INSL6: variants seen among roughly 807,000 people sequenced by gnomAD.
INSL6 encodes insulin-like peptide INSL6.
INSL6 carries 16 observed loss-of-function variants against 9.4 expected under a neutral mutation model. The ratio of observed to expected loss-of-function variants is 1.70; its 90% confidence interval spans 1.15 to 2.59. The LOEUF (loss-of-function observed/expected upper bound fraction) is 2.59. INSL6 is among the 30% of genes most tolerant of loss of function. The probability of loss-of-function intolerance (pLI) is 0.00; values close to 1 mark genes in which losing one functional copy is unlikely to be tolerated. For missense variants in INSL6, 391 were observed against 257.3 expected (o/e 1.52, Z -3.56); for synonymous variants, 154 against 96.9 (o/e 1.59, Z -3.46).
At chr9:5,034,100 G>C in the INSL6 span, among the ~76,000 whole-genome samples, 1 of 152,138 alleles carries the variant, frequency 6.6e-6, no homozygotes, top group African/African-American at 2.4e-5. Context: ...CCTAGTCTCG[G>C]ATAAAACAGA....
the INSL6 span, chr9:5,111,641 TGCCCCTCGTCCCTCCCGCCCAGCAGCG>T: frequency 2.6e-6 from 1 of 380,020 alleles, no homozygotes; most frequent in Non-Finnish European, 5.1e-6. Context: ...CGGGGGCTCA[TGCCCCTCGTCCCTCCCGCCCAGCAGCG>T]GCCCTGTGGG....
chr9:5,140,731 A>G (rs1263654839), intron 2 of INSL6, among the ~76,000 whole-genome samples: 3 of 151,674 alleles, frequency 2.0e-5, no homozygotes, highest in African/African-American at 7.3e-5. Context: ...TTTTCCCCTT[A>G]ATTTTAAGTT....
the INSL6 span, chr9:5,114,236 G>A: frequency 1.9e-6 from 1 of 527,920 alleles, no homozygotes; most frequent in Admixed American, 2.2e-5. Context: ...TCATCCGCAA[G>A]TTGCCCACAA....
chr9:5,005,477 T>G, the INSL6 span, among the ~76,000 whole-genome samples: 2 of 152,172 alleles, frequency 1.3e-5, no homozygotes, highest in African/African-American at 4.8e-5. Flanking sequence ...TAATGATTGA[T>G]TTCTAAATGT....
At chr9:5,070,063 A>G in the INSL6 span, 1 of 1,586,108 alleles carries the variant, frequency 6.3e-7, no homozygotes, top group Non-Finnish European at 8.6e-7. Flanking sequence ...GTAAGTCATT[A>G]GATACTCATT....
chr9:5,031,273 T>C, the INSL6 span, among the ~76,000 whole-genome samples: 1 of 152,186 alleles, frequency 6.6e-6, no homozygotes, highest in East Asian at 1.9e-4. Flanking sequence ...ACCTGGCAAT[T>C]GTAAAATATT....
At chr9:5,126,116 G>C (rs922662147) in intron 3 of INSL6, 13 of 414,182 alleles carry the variant, frequency 3.1e-5, no homozygotes, top group Non-Finnish European at 5.1e-5. Flanking sequence ...CAGGGGATTT[G>C]TGTTGAGTTT....
the INSL6 span, chr9:5,041,125 GCT>G: frequency 1.1e-6 from 1 of 902,298 alleles, no homozygotes; most frequent in African/African-American, 1.6e-5. Context: ...CCAAGACGGT[GCT>G]CCTGATCGCC....
At chr9:5,141,185 T>C (rs202019882) in intron 2 of INSL6, among the ~76,000 whole-genome samples, 1 of 152,202 alleles carries the variant, frequency 6.6e-6, no homozygotes, top group East Asian at 1.9e-4. Context: ...TGCGTCTTTA[T>C]AATAGAATGA....
intron 1 of INSL6, among the ~76,000 whole-genome samples, chr9:5,179,402 T>C (rs752264921): frequency 2.8e-4 from 42 of 152,196 alleles, no homozygotes; most frequent in Non-Finnish European, 3.5e-4. Context: ...TTTTACACTG[T>C]TGGTAGGGTT....
chr9:5,014,588 C>G, the INSL6 span, among the ~76,000 whole-genome samples: 3 of 152,212 alleles, frequency 2.0e-5, no homozygotes, highest in African/African-American at 7.2e-5. Context: ...GGAGAAGGAG[C>G]ATGGAAGAAC....
At chr9:5,008,945 C>G in the INSL6 span, among the ~76,000 whole-genome samples, 9 of 152,092 alleles carry the variant, frequency 5.9e-5, no homozygotes, top group Admixed American at 2.6e-4. Flanking sequence ...GAGTCTAGGA[C>G]CTGGGAGTTT....
At chr9:5,179,647 T>C (rs1825400080) in intron 1 of INSL6, among the ~76,000 whole-genome samples, 1 of 152,206 alleles carries the variant, frequency 6.6e-6, no homozygotes, top group South Asian at 2.1e-4. Context: ...ACATACACCA[T>C]GGAATACTAT....
At chr9:5,044,671 T>C in the INSL6 span, 8 of 517,570 alleles carry the variant, frequency 1.5e-5, no homozygotes, top group South Asian at 2.0e-4. Context: ...TTGAGTCTTT[T>C]AGCACTAGTT....
the INSL6 span, among the ~76,000 whole-genome samples, chr9:5,075,099 G>C: frequency 2.0e-5 from 3 of 152,002 alleles, no homozygotes; most frequent in African/African-American, 7.3e-5. Context: ...ATTCTATGAA[G>C]GCTGAGAGAG....
At chr9:5,047,274 T>C in the INSL6 span, among the ~76,000 whole-genome samples, 1 of 152,202 alleles carries the variant, frequency 6.6e-6, no homozygotes, top group Non-Finnish European at 1.5e-5. Context: ...TATCTTGACA[T>C]CTTTAAATAA....
the INSL6 span, among the ~76,000 whole-genome samples, chr9:5,063,206 T>G: frequency 6.6e-5 from 10 of 152,350 alleles, no homozygotes; most frequent in East Asian, 1.9e-3. Context: ...TTCGTTCTTA[T>G]ATAACTTTTT....
rs140016597 is a variant in INSL6 at position 5,178,482 on chromosome 9, G to A, written c.289+6832C>T. 2.2e-3 allele frequency among the ~76,000 whole-genome samples: 338 copies of A among 152,292 alleles called. 1 individual carries two copies. The highest frequency in any genetic ancestry group is 7.4e-3 in the African/African-American group (306 of 41,570). On this transcript the variant is annotated intron_variant, in intron 1 of 1. Coordinates refer to ENST00000381641, the MANE Select transcript of INSL6 (RefSeq NM_007179.3). ...CACTGGGCAGGACCTCCATGTGGAG[G>A]CTTCAGCCACTCCAGCCAGAGTTAT...
In INSL6 at chr9:5,163,881, C is replaced by G. The variant is rs1194456345; in HGVS notation, c.*32G>C. The G allele has an allele frequency of 1.4e-6, 2 of 1,379,360 alleles. No homozygotes were observed. Among genetic ancestry groups the G allele is most frequent in the East Asian group, 4.6e-5 (2 of 43,466 alleles). The allele number at this position is 1,379,360 out of a possible 1,614,324, so 85.4% of individuals were successfully genotyped here. A position where few individuals can be genotyped will look rare whatever the true frequency, so the allele number is the denominator to read the frequency against. ...AATAGAGTTAAATAAATGTATTAAGCTTTTATTAGGTTAGAAAAAATTCTA... is the reference window on the plus strand; with the variant it reads ...AATAGAGTTAAATAAATGTATTAAGGTTTTATTAGGTTAGAAAAAATTCTA... On this transcript the variant is annotated 3_prime_UTR_variant, in exon 2 of 2. Coordinates refer to ENST00000381641, the MANE Select transcript of INSL6 (RefSeq NM_007179.3).
Sources: gnomAD v4.1 joint callset for allele counts (sites outside exome capture counted in the v4.1 genomes callset) on GRCh38, gnomAD v4.1.1 for gene constraint, MANE v1.5 for transcripts, NCBI Gene and HGNC (gene_info 2026-07-23, HGNC 2026-07-21) for gene names.